COQ8A: variants seen among roughly 807,000 people sequenced by gnomAD.
COQ8A encodes the protein coenzyme Q8A, also known as atypical kinase COQ8A, mitochondrial.
COQ8A carries 51 observed loss-of-function variants against 65.0 expected under a neutral mutation model. That is an observed-to-expected ratio of 0.78 (90% CI 0.63 to 0.99). The LOEUF is 0.99. COQ8A is among the 50% of genes least tolerant of loss of function. COQ8A has a pLI of 0.00. For synonymous variants in COQ8A, 371 were observed against 353.2 expected, an observed-to-expected ratio of 1.05 and a Z score of -0.57; for missense variants, 940 against 875.0, an observed-to-expected ratio of 1.07 and a Z score of -0.94.
At chr1:226,984,325 C>T (rs1396340290) in intron 11 of COQ8A, 90 bp downstream of exon 11, 1 of 1,573,720 alleles carries the variant, frequency 6.4e-7, no homozygotes, top group Non-Finnish European at 8.6e-7. Flanking sequence ...GGACTTGGAG[C>T]CCTGAGGTGC....
At chr1:226,985,405 TG>T in intron 14 of COQ8A, 65 bp downstream of exon 14, 1 of 1,574,480 alleles carries the variant, frequency 6.4e-7, no homozygotes, top group South Asian at 1.1e-5. Context: ...TGTGTAAGAA[TG>T]GATGAAAGCA....
chr1:226,979,242 G>A (rs1189126057), intron 5 of COQ8A, among the ~76,000 whole-genome samples: 1 of 152,240 alleles, frequency 6.6e-6, no homozygotes, highest in East Asian at 1.9e-4. Context: ...CTGTGGAGAG[G>A]TCCTGCGAAC....
rs1223390490 is a variant in COQ8A, at chr1:226,986,941, C to G, written c.*204C>G. 5 of 638,960 alleles carry G rather than the reference C, an allele frequency of 7.8e-6. No homozygotes were observed. Among genetic ancestry groups the G allele is most frequent in the Non-Finnish European group, 1.3e-5 (5 of 371,394 alleles). The allele number at this position is 638,960 out of a possible 1,614,324, so 39.6% of individuals were successfully genotyped here. Reference sequence around the variant, plus strand: ...GAGAAGTGCAAGAATGAAGATGAAGCCCCACTGCTCGGTCAGTCTGCCTCC... The same window carrying G: ...GAGAAGTGCAAGAATGAAGATGAAGGCCCACTGCTCGGTCAGTCTGCCTCC... On this transcript the variant is annotated 3_prime_UTR_variant, in exon 15 of 15. Coordinates refer to ENST00000366777, the MANE Select transcript of COQ8A (RefSeq NM_020247.5).
rs554873941 is a variant in COQ8A at position 226,946,489 on chromosome 1, A to G, written c.-10+6090A>G. Among the ~76,000 whole-genome samples the G allele has an allele frequency of 6.6e-6, 1 of 152,248 alleles. No homozygotes were observed. Among genetic ancestry groups the G allele is most frequent in the Non-Finnish European group, 1.5e-5 (1 of 68,020 alleles). On this transcript the variant is annotated intron_variant, in intron 1 of 14. Coordinates refer to ENST00000366777, the MANE Select transcript of COQ8A (RefSeq NM_020247.5). This position sits in a 1 kb window ranked among gnomAD's most constrained non-coding sequence, Gnocchi z 5.3. ...GCTGCAGAGGTGTCTGGGGCTCCACAGTGAAGGGCCTTGCTGGCCAGGCCA... is the reference window on the plus strand; with the variant it reads ...GCTGCAGAGGTGTCTGGGGCTCCACGGTGAAGGGCCTTGCTGGCCAGGCCA...
chr1:226,984,338 C>G (rs1208590040), intron 11 of COQ8A, 103 bp downstream of exon 11: 1 of 1,548,380 alleles, frequency 6.5e-7, no homozygotes, highest in African/African-American at 1.4e-5. Flanking sequence ...TGAGGTGCTC[C>G]CTGGGGGTGA....
At chr1:226,969,243 A>G (rs1014599580) in intron 4 of COQ8A, among the ~76,000 whole-genome samples, 2 of 152,134 alleles carry the variant, frequency 1.3e-5, no homozygotes, top group African/African-American at 4.8e-5. Flanking sequence ...CTTTTAGTCT[A>G]TTGACTTGTG....
intron 2 of COQ8A, among the ~76,000 whole-genome samples, chr1:226,964,332 G>A (rs1558190214): frequency 6.6e-6 from 1 of 152,180 alleles, no homozygotes; most frequent in South Asian, 2.1e-4. Context: ...GCTCACTCAA[G>A]GTCACTCCTG....
intron 1 of COQ8A, among the ~76,000 whole-genome samples, chr1:226,956,192 A>C (rs1657737977): frequency 9.3e-6 from 1 of 107,518 alleles, no homozygotes; most frequent in Non-Finnish European, 1.8e-5. Flanking sequence ...CCTGATTCAC[A>C]CTCTCCCTGG....
At chr1:226,958,823 C>T (rs940915957) in intron 1 of COQ8A, among the ~76,000 whole-genome samples, 2 of 152,160 alleles carry the variant, frequency 1.3e-5, no homozygotes, top group Non-Finnish European at 2.9e-5. Flanking sequence ...CACTTCATTT[C>T]AGTTACTCAC....
rs1483265274 is a variant in COQ8A, at chr1:226,949,072, C to T, written c.-10+8673C>T. Among the ~76,000 whole-genome samples, 1 of 152,000 alleles carries T rather than the reference C, an allele frequency of 6.6e-6. No homozygotes were observed. The highest frequency in any genetic ancestry group is 1.9e-4 in the East Asian group (1 of 5,164). On this transcript the variant is annotated intron_variant, in intron 1 of 14. Transcript: ENST00000366777. The surrounding 1 kb of genome is among the most constrained non-coding windows in gnomAD (Gnocchi z 4.0). ...AGAGCTGATTCCCAGCCCCAAGGCCCCAAGGCCCTCACCCTTGGCTAATGG... is the reference window on the plus strand; with the variant it reads ...AGAGCTGATTCCCAGCCCCAAGGCCTCAAGGCCCTCACCCTTGGCTAATGG...
intron 1 of COQ8A, among the ~76,000 whole-genome samples, chr1:226,957,826 A>G (rs1263319470): frequency 6.6e-6 from 1 of 152,136 alleles, no homozygotes; most frequent in African/African-American, 2.4e-5. Context: ...CCATGACCCA[A>G]ATAATTTCCA....
chr1:226,960,502 G>A (rs867422045), intron 1 of COQ8A, among the ~76,000 whole-genome samples: 30 of 109,916 alleles, frequency 2.7e-4, no homozygotes, highest in South Asian at 3.2e-4. Context: ...TGGTGGTGGT[G>A]CTTGGTGGTG....
chr1:226,966,655 G>C (rs1478388938), intron 4 of COQ8A, among the ~76,000 whole-genome samples: 3 of 152,112 alleles, frequency 2.0e-5, no homozygotes, highest in African/African-American at 4.8e-5. Flanking sequence ...GCTGGTGCTG[G>C]GTGGGGCATG....
chr1:226,967,779 G>T (rs1443750542), intron 4 of COQ8A, among the ~76,000 whole-genome samples: 2 of 152,244 alleles, frequency 1.3e-5, no homozygotes, highest in African/African-American at 2.4e-5. Context: ...ACACCTGCCT[G>T]ATGTACGGAG....
At chr1:226,944,934 AG>A (rs2148000101) in intron 1 of COQ8A, among the ~76,000 whole-genome samples, 1 of 152,238 alleles carries the variant, frequency 6.6e-6, no homozygotes, top group South Asian at 2.1e-4. Context: ...AGAGACAGAG[AG>A]GCTGTAGCGC....
At chr1:226,977,354 G>A in intron 4 of COQ8A, 95 bp from the exon 5 acceptor site, 1 of 1,199,982 alleles carries the variant, frequency 8.3e-7, no homozygotes, top group Non-Finnish European at 1.2e-6. Context: ...GGTGCAAGCG[G>A]TGTCTGTGTG....
intron 5 of COQ8A, among the ~76,000 whole-genome samples, chr1:226,979,778 T>C (rs1659578225): frequency 6.6e-6 from 1 of 152,182 alleles, no homozygotes; most frequent in South Asian, 2.1e-4. Context: ...GGCATGCACG[T>C]CCTTGGAAGG....
rs2148081607 is a variant in COQ8A, at chr1:226,972,008, T to C, written c.656-5441T>C. Among the ~76,000 whole-genome samples the C allele has an allele frequency of 6.6e-6, 1 of 152,348 alleles. No individual in the cohort carries two copies. The highest frequency in any genetic ancestry group is 1.9e-4 in the East Asian group (1 of 5,190). ...TTTTCCCTCTGTCCCCTGTGTCTCC[T>C]TTGCTCTTTTCTGTATTTTCCATGC... On this transcript the variant is annotated intron_variant, in intron 4 of 14. Transcript: ENST00000366777. This position sits in a 1 kb window ranked among gnomAD's most constrained non-coding sequence, Gnocchi z 4.3.
intron 1 of COQ8A, among the ~76,000 whole-genome samples, chr1:226,945,627 A>G (rs945585556): frequency 6.6e-6 from 1 of 152,222 alleles, no homozygotes; most frequent in Non-Finnish European, 1.5e-5. Context: ...TACAGCCAGC[A>G]TGTGGTCAAG....
Sources: gnomAD v4.1 joint callset for allele counts (sites outside exome capture counted in the v4.1 genomes callset) on GRCh38, gnomAD v4.1.1 for gene constraint, Gnocchi (gnomAD v3.1) non-coding constraint, MANE v1.5 for transcripts, NCBI Gene and HGNC (gene_info 2026-07-23, HGNC 2026-07-21) for gene names.